EPN2: variants seen among roughly 807,000 people sequenced by gnomAD.
EPN2 encodes the protein epsin-2.
In EPN2, 34 loss-of-function variants were observed where a neutral mutation model predicts 61.7. That is an observed-to-expected ratio of 0.55 (90% CI 0.42 to 0.73). The LOEUF is 0.73. Among genes scored for constraint, EPN2 ranks in the 30% least tolerant of loss-of-function variants. The pLI, the probability that EPN2 is intolerant of heterozygous loss-of-function variation, is 0.00. For missense variants in EPN2, 714 were observed against 839.2 expected, an observed-to-expected ratio of 0.85 and a Z score of 1.84; for synonymous variants, 349 against 353.6, an observed-to-expected ratio of 0.99 and a Z score of 0.15.
At chr17:19,269,244 C>T (rs2045231003) in intron 1 of EPN2, among the ~76,000 whole-genome samples, 1 of 152,170 alleles carries the variant, frequency 6.6e-6, no homozygotes, top group Admixed American at 6.5e-5. Flanking sequence ...AACATTTCCT[C>T]CTAATATATC....
At chr17:19,282,312 A>G (rs2045366268) in intron 2 of EPN2, 1 of 152,230 alleles carries the variant, frequency 6.6e-6, no homozygotes, top group Non-Finnish European at 1.5e-5. Flanking sequence ...ATTCTTGAAC[A>G]GGGAAGGTCA....
intron 1 of EPN2, among the ~76,000 whole-genome samples, chr17:19,275,748 ATGAT>A (rs1477143021): frequency 6.6e-6 from 1 of 152,246 alleles, no homozygotes; most frequent in Non-Finnish European, 1.5e-5. Context: ...GGCAAAACCA[ATGAT>A]TCAGTTTTCA....
chr17:19,285,589 CTG>C lies in EPN2; in HGVS notation c.596-15_596-14del, dbSNP rs113916739. On this transcript the variant is annotated intron_variant, in intron 3 of 10. Transcript: ENST00000314728. This position sits in a 1 kb window ranked among gnomAD's most constrained non-coding sequence, Gnocchi z 4.5. ...GCGCACCCTCTAATGGCGTGTCTCTCTGTGTGTGTGTGTGTGTCCCTGCCCCA... is the reference window on the plus strand; with the variant it reads ...GCGCACCCTCTAATGGCGTGTCTCTCTGTGTGTGTGTGTGTCCCTGCCCCA... The C allele has an allele frequency of 0.025, 25,545 of 1,002,056 alleles. No homozygotes were observed. Among genetic ancestry groups the C allele is most frequent in the South Asian group, 0.076 (3,809 of 50,184 alleles). 62.1% of individuals were successfully genotyped at this position (1,002,056 alleles called of 1,614,324 possible).
At chr17:19,253,712 T>G (rs531069994) in intron 1 of EPN2, among the ~76,000 whole-genome samples, 146 of 152,352 alleles carry the variant, frequency 9.6e-4, no homozygotes, top group African/African-American at 3.4e-3. Flanking sequence ...AGTTGCCATT[T>G]TAATTTAACT....
At chr17:19,265,514 T>C (rs1391035713) in intron 1 of EPN2, among the ~76,000 whole-genome samples, 1 of 152,182 alleles carries the variant, frequency 6.6e-6, no homozygotes, top group Non-Finnish European at 1.5e-5. Context: ...AAAGGCATGA[T>C]CTCTTCATTC....
At chr17:19,294,945 TC>T (rs1230427684) in intron 4 of EPN2, among the ~76,000 whole-genome samples, 2 of 152,102 alleles carry the variant, frequency 1.3e-5, no homozygotes, top group African/African-American at 4.8e-5. Flanking sequence ...ATAGACAACT[TC>T]CAGGAGGCAT....
chr17:19,314,592 G>T lies in EPN2; in HGVS notation c.1147+1313G>T, dbSNP rs559580051. Among the ~76,000 whole-genome samples, 154 of 152,312 alleles carry T rather than the reference G, an allele frequency of 1.0e-3. 4 individuals are homozygous for T. In the South Asian group the frequency reaches 0.031, roughly 30 times the overall value. On this transcript the variant is annotated intron_variant, in intron 7 of 10. Transcript: ENST00000314728. Reference sequence around the variant, plus strand: ...CACTGTCAGCCCCCGATGCCCTTTAGCATCTGGTGAGTTCCAATAGCTTGA... The same window carrying T: ...CACTGTCAGCCCCCGATGCCCTTTATCATCTGGTGAGTTCCAATAGCTTGA...
intron 1 of EPN2, chr17:19,273,321 A>T (rs1214514766): frequency 6.6e-6 from 1 of 152,112 alleles, no homozygotes; most frequent in Non-Finnish European, 1.5e-5. Flanking sequence ...CCCCTTTGGC[A>T]GTAGGTTAAC....
chr17:19,251,098 G>A (rs1343390667), intron 1 of EPN2, among the ~76,000 whole-genome samples: 1 of 152,140 alleles, frequency 6.6e-6, no homozygotes, highest in Admixed American at 6.6e-5. Flanking sequence ...ATTGGTGTTT[G>A]TGAAAAGCAA....
At chr17:19,277,360 C>T (rs2045317175) in intron 1 of EPN2, among the ~76,000 whole-genome samples, 1 of 145,348 alleles carries the variant, frequency 6.9e-6, no homozygotes, top group African/African-American at 2.6e-5. Flanking sequence ...GAGATTGCAC[C>T]ACGGCACTCC....
chr17:19,316,261 G>A (rs561102324), intron 7 of EPN2, among the ~76,000 whole-genome samples: 1 of 152,338 alleles, frequency 6.6e-6, no homozygotes, highest in East Asian at 1.9e-4. Context: ...TAAAAATTAA[G>A]AATATGGTTT....
rs188204493 is a variant in EPN2, at chr17:19,292,728, A to G, written c.766+6938A>G. On this transcript the variant is annotated intron_variant, in intron 4 of 10. Transcript: ENST00000314728. ...AATGGCTGGGCTGCTAAAGTCAGAC[A>G]GTTGCCCAACACAACCAGAAGGCAT... Among the ~76,000 whole-genome samples the G allele has an allele frequency of 2.5e-3, 387 of 152,384 alleles. 1 individual carries two copies. Among genetic ancestry groups the G allele is most frequent in the Admixed American group, 4.7e-3 (72 of 15,310 alleles).
At chr17:19,331,631 T>G (rs1907157477) in intron 9 of EPN2, among the ~76,000 whole-genome samples, 1 of 152,238 alleles carries the variant, frequency 6.6e-6, no homozygotes, top group African/African-American at 2.4e-5. Context: ...AGTATTTTGA[T>G]AAAGCTTTCT....
Position 19,243,048 on chromosome 17 carries a change from C to T in EPN2, c.-294+5517C>T, listed in dbSNP as rs143089468. Among the ~76,000 whole-genome samples the T allele has an allele frequency of 5.8e-3, 878 of 152,236 alleles. 2 individuals are homozygous for T. Among genetic ancestry groups the T allele is most frequent in the Middle Eastern group, 0.01 (3 of 294 alleles). On this transcript the variant is annotated intron_variant, in intron 1 of 10. Transcript: ENST00000314728. ...GGCTTTGGGCACTTTAATCACTGAG[C>T]TTTGGTGTCCTCATCTCTAAAGGGG...
chr17:19,324,126 TTGA>T lies in EPN2; in HGVS notation c.1148-4579_1148-4577del, dbSNP rs143782921. On this transcript the variant is annotated intron_variant, in intron 7 of 10. Transcript: ENST00000314728. ...TCACATGCAGAATACTTGGAAAAAA[TTGA>T]TGATGTCCTAGACAGAAAAGCTAGT... Among the ~76,000 whole-genome samples the T allele has an allele frequency of 5.0e-3, 758 of 152,254 alleles. 5 individuals carry two copies. Among genetic ancestry groups the T allele is most frequent in the African/African-American group, 0.017 (699 of 41,540 alleles).
chr17:19,259,736 G>A (rs1238534708), intron 1 of EPN2, among the ~76,000 whole-genome samples: 3 of 152,176 alleles, frequency 2.0e-5, no homozygotes, highest in Non-Finnish European at 4.4e-5. Context: ...CAGGGAAAAG[G>A]CCAAGGGTGC....
intron 10 of EPN2, among the ~76,000 whole-genome samples, 186 bp from the exon 11 acceptor site, chr17:19,333,770 A>G (rs1907269281): frequency 6.6e-6 from 1 of 152,132 alleles, no homozygotes; most frequent in African/African-American, 2.4e-5. Context: ...CAATCTCCTC[A>G]TCCTTAAAGT....
chr17:19,243,594 C>T (rs1261300801), intron 1 of EPN2, among the ~76,000 whole-genome samples: 1 of 151,844 alleles, frequency 6.6e-6, no homozygotes, highest in African/African-American at 2.4e-5. Flanking sequence ...GGGGTTTCAC[C>T]GTGTTAGCCA....
chr17:19,262,746 TC>T (rs1303666121), intron 1 of EPN2, among the ~76,000 whole-genome samples: 5 of 151,428 alleles, frequency 3.3e-5, no homozygotes, highest in African/African-American at 1.2e-4. Context: ...TCATTTCCCC[TC>T]CCATTCTCTC....
Sources: gnomAD v4.1 joint callset for allele counts (sites outside exome capture counted in the v4.1 genomes callset) on GRCh38, gnomAD v4.1.1 for gene constraint, Gnocchi (gnomAD v3.1) non-coding constraint, MANE v1.5 for transcripts, NCBI Gene and HGNC (gene_info 2026-07-23, HGNC 2026-07-21) for gene names.